ROBO1: variants seen among roughly 807,000 people sequenced by gnomAD.
ROBO1 encodes the protein roundabout homolog 1.
ROBO1 carries 149 observed loss-of-function variants against 195.9 expected under a neutral mutation model. The ratio of observed to expected loss-of-function variants is 0.76; its 90% CI spans 0.67 to 0.87. ROBO1 has a LOEUF of 0.87. Among genes scored for constraint, ROBO1 ranks in the 40% least tolerant of loss-of-function variants. The pLI, the probability that ROBO1 is intolerant of heterozygous loss-of-function variation, is 0.00. For synonymous variants in ROBO1, 816 were observed against 733.2 expected (o/e 1.11, Z -1.82); for missense variants, 1,933 against 2,068.3 (o/e 0.93, Z 1.27).
At chr3:79,301,724 G>A (rs1195154790) in intron 2 of ROBO1, among the ~76,000 whole-genome samples, 2 of 152,068 alleles carry the variant, frequency 1.3e-5, no homozygotes, top group East Asian at 1.9e-4. Flanking sequence ...CAATAAAAAC[G>A]AAAGGTATTT....
intron 1 of ROBO1, among the ~76,000 whole-genome samples, chr3:79,597,259 A>C (rs1442153187): frequency 1.3e-5 from 2 of 151,910 alleles, no homozygotes; most frequent in Non-Finnish European, 2.9e-5. Flanking sequence ...GTTTAGTTGG[A>C]AGTGCATTTC....
intron 2 of ROBO1, among the ~76,000 whole-genome samples, chr3:79,216,514 G>A (rs1451285850): frequency 6.6e-6 from 1 of 152,010 alleles, no homozygotes; most frequent in African/African-American, 2.4e-5. Context: ...CTAATGTTTG[G>A]TAATGTTACG....
chr3:79,402,856 A>G (rs1374127517), intron 2 of ROBO1, among the ~76,000 whole-genome samples: 1 of 151,944 alleles, frequency 6.6e-6, no homozygotes, highest in Non-Finnish European at 1.5e-5. Flanking sequence ...AATTTTGATG[A>G]TTATTTTTAT....
intron 5 of ROBO1, among the ~76,000 whole-genome samples, chr3:78,744,433 TC>T (rs1403766749): frequency 1.3e-5 from 2 of 152,134 alleles, no homozygotes; most frequent in Non-Finnish European, 2.9e-5. Context: ...AGCAGAGGCT[TC>T]CCACCTTACT....
intron 3 of ROBO1, among the ~76,000 whole-genome samples, chr3:78,982,395 C>A (rs1256916296): frequency 6.6e-6 from 1 of 152,258 alleles, no homozygotes; most frequent in African/African-American, 2.4e-5. Context: ...TCAGAGAGGA[C>A]AGGGGAAGTG....
chr3:79,351,977 C>A (rs371287536), intron 2 of ROBO1, among the ~76,000 whole-genome samples: 1 of 152,188 alleles, frequency 6.6e-6, no homozygotes, highest in East Asian at 1.9e-4. Context: ...AATAAGCTAA[C>A]TGCCATTCTA....
At chr3:78,665,495 T>C (rs1419163187) in intron 14 of ROBO1, among the ~76,000 whole-genome samples, 1 of 152,184 alleles carries the variant, frequency 6.6e-6, no homozygotes, top group Non-Finnish European at 1.5e-5. Context: ...CTCCCATCAG[T>C]CCAATCTGTT....
chr3:78,928,505 G>A (rs1404269498), intron 4 of ROBO1, among the ~76,000 whole-genome samples: 1 of 152,172 alleles, frequency 6.6e-6, no homozygotes. Context: ...ACCAATGTTA[G>A]AGTCCAAACA....
At chr3:79,457,270 A>G (rs1229067898) in intron 2 of ROBO1, among the ~76,000 whole-genome samples, 1 of 152,218 alleles carries the variant, frequency 6.6e-6, no homozygotes, top group Non-Finnish European at 1.5e-5. Context: ...TTAATTTAAC[A>G]TGAATTATTA....
intron 2 of ROBO1, among the ~76,000 whole-genome samples, chr3:79,250,710 ATAAC>A (rs2082712586): frequency 1.3e-5 from 2 of 152,220 alleles, no homozygotes; most frequent in East Asian, 1.9e-4. Context: ...ATTAGACTAA[ATAAC>A]TAATAATTTT....
intron 2 of ROBO1, among the ~76,000 whole-genome samples, chr3:79,464,175 T>C (rs1436920369): frequency 6.6e-6 from 1 of 152,220 alleles, no homozygotes; most frequent in Non-Finnish European, 1.5e-5. Flanking sequence ...CACCAGTTAA[T>C]TGATACTTGG....
chr3:78,820,062 A>C (rs1462609914), intron 4 of ROBO1, among the ~76,000 whole-genome samples: 1 of 152,184 alleles, frequency 6.6e-6, no homozygotes, highest in Non-Finnish European at 1.5e-5. Context: ...CGAAAAAGGG[A>C]TCCAATTTGA....
At position 78,682,569 on chromosome 3, in the gene ROBO1, T is replaced by C. The variant is rs987230031; in HGVS notation, c.1342+3177A>G. Among the ~76,000 whole-genome samples, 322 of 147,880 alleles carry C rather than the reference T, an allele frequency of 2.2e-3. 1 individual carries two copies. The highest frequency in any genetic ancestry group is 7.6e-3 in the African/African-American group (310 of 40,796). On this transcript the variant is annotated intron_variant, in intron 10 of 30. Transcript: ENST00000464233. The stretch of plus-strand genomic sequence containing the variant: ...GTATATATGTGTGTATATGTGTATA[T>C]ACACATATATACAGAGTCATGTCAA...
intron 3 of ROBO1, among the ~76,000 whole-genome samples, chr3:78,963,255 T>C (rs962012293): frequency 6.6e-6 from 1 of 151,908 alleles, no homozygotes. Flanking sequence ...CCAAGAAATA[T>C]GGGATGAAGT....
chr3:79,058,744 G>A (rs961499109), intron 3 of ROBO1, among the ~76,000 whole-genome samples: 13 of 152,006 alleles, frequency 8.6e-5, no homozygotes, highest in Admixed American at 3.3e-4. Flanking sequence ...ATGCTGGTTC[G>A]AGCTTGAGAA....
intron 3 of ROBO1, among the ~76,000 whole-genome samples, chr3:78,958,705 A>G (rs2041170332): frequency 6.6e-6 from 1 of 152,104 alleles, no homozygotes; most frequent in South Asian, 2.1e-4. Flanking sequence ...TGACCAATTC[A>G]TCCCAGTTTA....
At chr3:78,756,798 T>C (rs994503195) in intron 4 of ROBO1, among the ~76,000 whole-genome samples, 2 of 152,218 alleles carry the variant, frequency 1.3e-5, no homozygotes, top group Non-Finnish European at 1.5e-5. Flanking sequence ...TCAGGTCTAG[T>C]GGTCCTGAAG....
At chr3:78,679,764 A>G (rs970512967) in intron 10 of ROBO1, among the ~76,000 whole-genome samples, 1 of 152,160 alleles carries the variant, frequency 6.6e-6, no homozygotes, top group Non-Finnish European at 1.5e-5. Flanking sequence ...GCCCAAGGTA[A>G]TTTATAGATT....
At chr3:79,665,966 A>G (rs1212948865) in intron 1 of ROBO1, among the ~76,000 whole-genome samples, 1 of 151,950 alleles carries the variant, frequency 6.6e-6, no homozygotes, top group Non-Finnish European at 1.5e-5. Context: ...AAACATCAAA[A>G]AAAGGACACA....
Sources: gnomAD v4.1 joint callset for allele counts (sites outside exome capture counted in the v4.1 genomes callset) on GRCh38, gnomAD v4.1.1 for gene constraint, MANE v1.5 for transcripts, NCBI Gene and HGNC (gene_info 2026-07-23, HGNC 2026-07-21) for gene names.